The following DISP1 variants were observed in gnomAD, a reference collection of about 807,000 sequenced individuals.
DISP1 encodes the protein protein dispatched homolog 1.
In DISP1, 30 loss-of-function variants were observed where a neutral mutation model predicts 37.3. The observed-to-expected ratio is 0.80, with a 90% CI of 0.60 to 1.09. The LOEUF (loss-of-function observed/expected upper bound fraction) is 1.09, where lower values mean the gene tolerates loss of function less well. Among genes scored for constraint, DISP1 ranks in the 50% least tolerant of loss-of-function variants. The pLI is 0.00. For missense variants in DISP1, 1,598 were observed against 1,879.5 expected (o/e 0.85, Z 2.77); for synonymous variants, 634 against 690.2 (o/e 0.92, Z 1.28).
intron 1 of DISP1, among the ~76,000 whole-genome samples, chr1:222,849,543 T>C (rs1365090204): frequency 6.6e-6 from 1 of 152,088 alleles, no homozygotes; most frequent in Non-Finnish European, 1.5e-5. Flanking sequence ...CAAAACAGTA[T>C]TGTAAAAAAT....
intron 1 of DISP1, among the ~76,000 whole-genome samples, chr1:222,840,479 G>A (rs1291506412): frequency 1.3e-5 from 2 of 151,066 alleles, no homozygotes; most frequent in African/African-American, 4.9e-5. Flanking sequence ...CTGACCCCAA[G>A]TGATCCACCC....
chr1:222,899,831 A>G (rs1572460369), intron 1 of DISP1: 1 of 152,028 alleles, frequency 6.6e-6, no homozygotes, highest in South Asian at 2.1e-4. Context: ...CAAGCCATCT[A>G]CCTGCCTCGA....
rs747659889 is a variant in DISP1, at chr1:223,002,472, G to A, written c.1075G>A (p.Ala359Thr). ...CAGCTGGACACTGGGAAACTACATC[G>A]CCATTCTGAACAATAGATCGTCCTG... The part of the protein sequence containing the change: ...CPSWTLGNYI[A>T]ILNNRSSCQK... The change falls in exon 9 of 9, where the codon GCC becomes ACC. Residue 359 changes from alanine (A) to threonine (T), a missense_variant. Physicochemically the swap from Ala to Thr is moderately conservative, Grantham distance 58. Transcript: ENST00000675850. 7 of 1,613,978 alleles carry A rather than the reference G, an allele frequency of 4.3e-6. No homozygotes were observed. Among genetic ancestry groups the A allele is most frequent in the African/African-American group, 2.7e-5 (2 of 74,902 alleles).
intron 1 of DISP1, among the ~76,000 whole-genome samples, chr1:222,817,492 C>T (rs1178498714): frequency 2.6e-5 from 4 of 152,196 alleles, no homozygotes; most frequent in Non-Finnish European, 5.9e-5. Flanking sequence ...TATCGGCATA[C>T]TCTAGTTAGA....
At chr1:222,887,492 T>TTG (rs1036092758) in intron 1 of DISP1, among the ~76,000 whole-genome samples, 1 of 99,016 alleles carries the variant, frequency 1.0e-5, no homozygotes, top group Non-Finnish European at 2.2e-5. Context: ...TTTTGTTTTT[T>TTG]TTTTTTTTTT....
intron 4 of DISP1, among the ~76,000 whole-genome samples, chr1:222,985,670 A>AG (rs1334984251): frequency 1.3e-5 from 2 of 152,158 alleles, no homozygotes; most frequent in Non-Finnish European, 2.9e-5. Flanking sequence ...AAAGAAAAAA[A>AG]CAAAAAGCAC....
At chr1:222,935,751 A>G (rs568046015) in intron 2 of DISP1, among the ~76,000 whole-genome samples, 2 of 152,328 alleles carry the variant, frequency 1.3e-5, no homozygotes, top group East Asian at 1.9e-4. Context: ...TCTCTTCAAC[A>G]GTACATTTAG....
At chr1:222,937,796 CTTTTTTTT>C (rs10714424) in intron 2 of DISP1, among the ~76,000 whole-genome samples, 35 of 56,488 alleles carry the variant, frequency 6.2e-4, no homozygotes, top group African/African-American at 2.9e-3. Context: ...AATAGCTTGC[CTTTTTTTT>C]TTTTTTTTTT....
At chr1:222,969,370 C>CAAAAAAAA (rs71178518) in intron 3 of DISP1, among the ~76,000 whole-genome samples, 7,403 of 29,904 alleles carry the variant, frequency 0.25, 1,253 homozygotes, top group Middle Eastern at 0.39. Context: ...AACTTGGTCT[C>CAAAAAAAA]AAAAAAAAAA....
At chr1:222,856,277 G>T (rs1202437521) in intron 1 of DISP1, among the ~76,000 whole-genome samples, 2 of 152,222 alleles carry the variant, frequency 1.3e-5, no homozygotes, top group African/African-American at 4.8e-5. Flanking sequence ...TAGCCCAGAT[G>T]AAACTAATAG....
intron 2 of DISP1, among the ~76,000 whole-genome samples, chr1:222,929,544 T>C (rs1181324887): frequency 6.6e-6 from 1 of 152,024 alleles, no homozygotes; most frequent in African/African-American, 2.4e-5. Flanking sequence ...AGGAAATGTG[T>C]CCTTTTTACT....
At chr1:222,957,980 A>G (rs1180976926) in intron 3 of DISP1, among the ~76,000 whole-genome samples, 1 of 152,218 alleles carries the variant, frequency 6.6e-6, no homozygotes, top group Non-Finnish European at 1.5e-5. Context: ...GACCATGTAC[A>G]TTATGCAGAA....
intron 3 of DISP1, among the ~76,000 whole-genome samples, chr1:222,946,591 C>G (rs996576367): frequency 1.3e-5 from 2 of 151,964 alleles, no homozygotes; most frequent in Non-Finnish European, 2.9e-5. Context: ...TGCCAGGCAC[C>G]GAGGATATAA....
In DISP1 at chr1:222,875,742, A is replaced by G. The variant is rs192259524; in HGVS notation, c.-158-52688A>G. Among the ~76,000 whole-genome samples, 436 of 151,012 alleles carry G rather than the reference A, an allele frequency of 2.9e-3. 3 individuals carry two copies. The highest frequency in any genetic ancestry group is 0.01 in the African/African-American group (423 of 41,150). ...CTTGGGAGGCTGAGGCAGGAGAATCACTTGAACCCAGGAGGTGGAGGTTGC... is the reference window on the plus strand; with the variant it reads ...CTTGGGAGGCTGAGGCAGGAGAATCGCTTGAACCCAGGAGGTGGAGGTTGC... On this transcript the variant is annotated intron_variant, in intron 1 of 8. Transcript: ENST00000675850.
At chr1:222,886,775 A>C (rs1339533436) in intron 1 of DISP1, among the ~76,000 whole-genome samples, 4 of 152,248 alleles carry the variant, frequency 2.6e-5, no homozygotes. Context: ...GCCTAGAAAC[A>C]AAAATCCTTT....
intron 1 of DISP1, among the ~76,000 whole-genome samples, chr1:222,894,716 G>A (rs34982873): frequency 0.016 from 2,502 of 152,332 alleles, 32 homozygotes; most frequent in Non-Finnish European, 0.025. Context: ...TCGGAAATGG[G>A]TGGGGCTCCC....
intron 1 of DISP1, among the ~76,000 whole-genome samples, chr1:222,864,842 A>G (rs942606426): frequency 6.6e-6 from 1 of 152,186 alleles, no homozygotes; most frequent in Non-Finnish European, 1.5e-5. Context: ...CTTGAAGGTA[A>G]CTTATGAGCA....
chr1:222,979,505 A>C (rs1237428203), intron 3 of DISP1: 1 of 389,332 alleles, frequency 2.6e-6, no homozygotes, highest in Non-Finnish European at 5.5e-6. Context: ...ATGGAATTGT[A>C]CACTTAATTG....
At position 223,005,881 on chromosome 1, in the gene DISP1, A is replaced by G; in HGVS notation, c.4484A>G (p.Asp1495Gly). Residue 1495 changes from aspartate (D) to glycine (G), a missense_variant, in exon 9 of 9, where the codon GAC (aspartate) becomes GGC (glycine). Transcript: ENST00000675850. ...RIVRVKCNSV[D>G]CQMPNMEANV... ...GTGAGAGTGAAGTGCAATTCTGTGG[A>G]CTGTCAAATGCCAAACATGGAAGCC... 1 of 1,614,224 alleles carries G rather than the reference A, an allele frequency of 6.2e-7. No individual in the cohort carries two copies. Among genetic ancestry groups the G allele is most frequent in the Non-Finnish European group, 8.5e-7 (1 of 1,180,046 alleles).
Sources: gnomAD v4.1 joint callset for allele counts (sites outside exome capture counted in the v4.1 genomes callset) on GRCh38, gnomAD v4.1.1 for gene constraint, MANE v1.5 for transcripts, NCBI Gene and HGNC (gene_info 2026-07-23, HGNC 2026-07-21) for gene names.